ACTR3C: variants seen among roughly 807,000 people sequenced by gnomAD.
ACTR3C encodes actin-related protein 3C.
In ACTR3C, 18 loss-of-function variants were observed where a neutral mutation model predicts 26.3. The ratio of observed to expected loss-of-function variants is 0.68; its 90% confidence interval spans 0.47 to 1.01. The LOEUF (loss-of-function observed/expected upper bound fraction) is 1.01, where lower values mean the gene tolerates loss of function less well. Ranked by LOEUF, ACTR3C falls within the 50% of genes least tolerant of loss-of-function variation. ACTR3C has a pLI of 0.00. For synonymous variants in ACTR3C, 55 were observed against 94.5 expected (o/e 0.58, Z 2.42); for missense variants, 184 against 250.7 (o/e 0.73, Z 1.80).
the ACTR3C span, among the ~76,000 whole-genome samples, chr7:150,011,686 A>G: frequency 0.13 from 19,604 of 152,200 alleles, 1,554 homozygotes; most frequent in South Asian, 0.21. Context: ...TCAGTTTTTT[A>G]TGACATAATT....
At chr7:150,292,455 C>G (rs1194607913) in intron 3 of ACTR3C, among the ~76,000 whole-genome samples, 3 of 152,102 alleles carry the variant, frequency 2.0e-5, no homozygotes, top group Non-Finnish European at 4.4e-5. Flanking sequence ...TATTGCAGAG[C>G]CTTCTGCAAG....
the ACTR3C span, among the ~76,000 whole-genome samples, chr7:150,010,962 A>C: frequency 6.8e-6 from 1 of 147,240 alleles, no homozygotes; most frequent in Non-Finnish European, 1.5e-5. Flanking sequence ...CCAGCACAGC[A>C]TGAAAGCCAA....
chr7:149,908,299 AC>A, the ACTR3C span, among the ~76,000 whole-genome samples: 2 of 152,198 alleles, frequency 1.3e-5, no homozygotes, highest in Non-Finnish European at 2.9e-5. Context: ...GCCCAAGCAC[AC>A]TAAGACACTC....
At chr7:150,058,925 C>A in the ACTR3C span, among the ~76,000 whole-genome samples, 7 of 151,838 alleles carry the variant, frequency 4.6e-5, no homozygotes, top group African/African-American at 1.7e-4. Flanking sequence ...CTCAAAAAAA[C>A]AAACAAAAAA....
the ACTR3C span, among the ~76,000 whole-genome samples, chr7:150,131,532 A>C: frequency 6.8e-3 from 976 of 143,150 alleles, no homozygotes; most frequent in African/African-American, 0.028. Flanking sequence ...AGGAGTATTT[A>C]TTCAAGAAAA....
the ACTR3C span, among the ~76,000 whole-genome samples, chr7:150,203,176 T>A: frequency 1.3e-5 from 2 of 152,198 alleles, no homozygotes; most frequent in African/African-American, 4.8e-5. Flanking sequence ...ACCTACTCAA[T>A]CAGAATCCAC....
the ACTR3C span, among the ~76,000 whole-genome samples, chr7:149,901,047 A>G: frequency 2.0e-5 from 3 of 152,180 alleles, no homozygotes; most frequent in Non-Finnish European, 2.9e-5. Context: ...AAAGGCACAC[A>G]CTGTATGAGT....
the ACTR3C span, among the ~76,000 whole-genome samples, chr7:150,206,501 C>T: frequency 6.6e-6 from 1 of 152,150 alleles, no homozygotes; most frequent in Non-Finnish European, 1.5e-5. Flanking sequence ...GCAACCTCCA[C>T]CTCCCGGGGT....
At chr7:150,205,995 G>A in the ACTR3C span, among the ~76,000 whole-genome samples, 5 of 152,076 alleles carry the variant, frequency 3.3e-5, no homozygotes, top group African/African-American at 7.2e-5. Flanking sequence ...TCACTTTTAC[G>A]TAATGGTACA....
At chr7:150,201,057 C>G in the ACTR3C span, among the ~76,000 whole-genome samples, 1 of 152,122 alleles carries the variant, frequency 6.6e-6, no homozygotes. Flanking sequence ...TAGCTTATTC[C>G]CTCTGGGGAT....
the ACTR3C span, among the ~76,000 whole-genome samples, chr7:149,917,106 G>A: frequency 0.27 from 38,294 of 142,474 alleles, 5,671 homozygotes; most frequent in South Asian, 0.41. Flanking sequence ...ATGGAGTTCC[G>A]CTCTTGTTGC....
intron 6 of ACTR3C, among the ~76,000 whole-genome samples, chr7:150,263,641 T>A (rs1833818940): frequency 1.3e-5 from 2 of 152,094 alleles, no homozygotes; most frequent in South Asian, 4.2e-4. Context: ...TCCCAGTGAA[T>A]CCTATGCAGG....
At chr7:150,144,827 C>T in the ACTR3C span, among the ~76,000 whole-genome samples, 2 of 152,096 alleles carry the variant, frequency 1.3e-5, no homozygotes, top group Non-Finnish European at 2.9e-5. This position sits in a 1 kb window ranked among gnomAD's most constrained non-coding sequence, Gnocchi z 4.6. Flanking sequence ...GTGGGCAGAT[C>T]ACTTGAGGTC....
the ACTR3C span, among the ~76,000 whole-genome samples, chr7:150,019,590 CAAAAATAAAAAT>C: frequency 1.9e-5 from 2 of 103,536 alleles, no homozygotes; most frequent in African/African-American, 3.8e-5. Flanking sequence ...GACTCTGTCT[CAAAAATAAAAAT>C]AATAATAATA....
chr7:150,206,502 C>T, the ACTR3C span, among the ~76,000 whole-genome samples: 1 of 152,280 alleles, frequency 6.6e-6, no homozygotes, highest in South Asian at 2.1e-4. Context: ...CAACCTCCAC[C>T]TCCCGGGGTC....
the ACTR3C span, among the ~76,000 whole-genome samples, chr7:149,944,379 C>A: frequency 6.6e-6 from 1 of 151,886 alleles, no homozygotes; most frequent in Non-Finnish European, 1.5e-5. Flanking sequence ...TTGCTAAACT[C>A]CTAAGAAATA....
the ACTR3C span, among the ~76,000 whole-genome samples, chr7:150,220,828 AC>A: frequency 6.6e-6 from 1 of 152,078 alleles, no homozygotes; most frequent in Non-Finnish European, 1.5e-5. Flanking sequence ...ATCTTTCCAC[AC>A]CCCCCTCACC....
At chr7:150,059,457 T>C in the ACTR3C span, among the ~76,000 whole-genome samples, 3 of 152,162 alleles carry the variant, frequency 2.0e-5, no homozygotes, top group Non-Finnish European at 4.4e-5. Flanking sequence ...AACTAGAAAA[T>C]CTGGAGGCAA....
the ACTR3C span, among the ~76,000 whole-genome samples, chr7:150,085,470 A>G: frequency 6.6e-6 from 1 of 152,174 alleles, no homozygotes; most frequent in African/African-American, 2.4e-5. Context: ...ACGTGGCTGA[A>G]AAGTAAAATT....
Sources: gnomAD v4.1 joint callset for allele counts (sites outside exome capture counted in the v4.1 genomes callset) on GRCh38, gnomAD v4.1.1 for gene constraint, Gnocchi (gnomAD v3.1) non-coding constraint, MANE v1.5 for transcripts, NCBI Gene and HGNC (gene_info 2026-07-23, HGNC 2026-07-21) for gene names.